The following KIAA1671 variants were observed in gnomAD, a reference collection of about 807,000 sequenced individuals.
The protein encoded by KIAA1671 is uncharacterized protein KIAA1671.
A neutral mutation model predicts 131.2 loss-of-function variants in KIAA1671; 52 were observed. That is an observed-to-expected ratio of 0.40 (90% CI 0.32 to 0.50). KIAA1671 has a LOEUF of 0.50. KIAA1671 is among the 20% of genes least tolerant of loss of function. The pLI is 0.73. For synonymous variants in KIAA1671, 1,003 were observed against 961.6 expected, an observed-to-expected ratio of 1.04 and a Z score of -0.80; for missense variants, 2,360 against 2,364.2, an observed-to-expected ratio of 1.00 and a Z score of 0.04.
intron 5 of KIAA1671, among the ~76,000 whole-genome samples, chr22:25,042,779 C>T (rs1477277702): frequency 6.6e-6 from 1 of 152,016 alleles, no homozygotes; most frequent in South Asian, 2.1e-4. Context: ...GGCCTGTAAG[C>T]ACTTTTTAAG....
At chr22:25,022,150 A>T (rs1925707513) in intron 1 of KIAA1671, among the ~76,000 whole-genome samples, 1 of 152,194 alleles carries the variant, frequency 6.6e-6, no homozygotes, top group Admixed American at 6.5e-5. Flanking sequence ...ATTCCGGAAG[A>T]TGCTGGAAGG....
chr22:25,166,714 T>C (rs911587206), intron 6 of KIAA1671, among the ~76,000 whole-genome samples: 5 of 152,184 alleles, frequency 3.3e-5, no homozygotes, highest in African/African-American at 1.2e-4. Flanking sequence ...TATCTGTTGA[T>C]ACCTCAAAAC....
At chr22:25,138,600 T>C (rs1932758302) in intron 6 of KIAA1671, among the ~76,000 whole-genome samples, 1 of 152,256 alleles carries the variant, frequency 6.6e-6, no homozygotes, top group African/African-American at 2.4e-5. Flanking sequence ...AGTTGAACAT[T>C]CACCTATTCT....
chr22:25,087,210 C>A (rs553562805), intron 6 of KIAA1671, among the ~76,000 whole-genome samples: 1 of 142,372 alleles, frequency 7.0e-6, no homozygotes, highest in East Asian at 2.3e-4. Flanking sequence ...ACATGTCTTG[C>A]TTTTCCAAAC....
At chr22:25,022,564 A>T (rs1925732691) in intron 1 of KIAA1671, 1 of 152,046 alleles carries the variant, frequency 6.6e-6, no homozygotes, top group Admixed American at 6.6e-5. Flanking sequence ...CAGACAAATG[A>T]TTTTTTTTCC....
Position 25,174,437 on chromosome 22 carries a change from C to T in KIAA1671, c.4847C>T (p.Pro1616Leu). The T allele has an allele frequency of 6.5e-7, 1 of 1,547,076 alleles. No homozygotes were observed. Among genetic ancestry groups the T allele is most frequent in the Admixed American group, 2.0e-5 (1 of 50,818 alleles). Residue 1616 changes from proline (P) to leucine (L), a missense_variant, in exon 8 of 13, where the codon CCT becomes CTT. Pro to Leu is a moderately conservative substitution (Grantham distance 98). Around this residue, in one of 3 missense-constraint regions of KIAA1671, gnomAD observed 1,161 missense variants for 1,204.7 expected, o/e 0.96. Transcript: ENST00000358431. ...LESTDGMEGP[P>L]PPDACPEKRV... ...TCCACCGATGGGATGGAGGGGCCGC[C>T]TCCACCGGACGCCTGCCCTGAAAAG...
chr22:25,040,713 A>G lies in KIAA1671; in HGVS notation c.3583A>G (p.Arg1195Gly). ...TFPGKIRDGY[R>G]SSVLDIDALM... ...CCCAGGTAAAATCAGAGATGGCTAC[A>G]GATCCAGCGTTCTTGACATTGACGC... Residue 1195 changes from arginine to glycine, a missense_variant, in exon 5 of 13, where the codon AGA (arginine) becomes GGA (glycine). This residue lies in a region of KIAA1671 where 1,161 missense variants were observed against 1,204.7 expected (regional missense o/e 0.96). Coordinates refer to ENST00000358431, the MANE Select transcript of KIAA1671 (RefSeq NM_001145206.2). 3 of 1,552,122 alleles carry G rather than the reference A, an allele frequency of 1.9e-6. No homozygotes were observed. The highest frequency in any genetic ancestry group is 2.6e-6 in the Non-Finnish European group (3 of 1,147,090).
intron 1 of KIAA1671, among the ~76,000 whole-genome samples, chr22:24,974,785 C>A (rs1017141002): frequency 6.7e-6 from 1 of 149,166 alleles, no homozygotes; most frequent in Non-Finnish European, 1.5e-5. Context: ...CTCAACTTTC[C>A]GGCTTCAAGC....
chr22:25,174,574 G>A (rs1360168769), intron 8 of KIAA1671, 85 bp downstream of exon 8: 1 of 1,426,422 alleles, frequency 7.0e-7, no homozygotes, highest in Non-Finnish European at 9.3e-7. Context: ...TAGGATCTGT[G>A]TGCCAGGGAC....
intron 6 of KIAA1671, chr22:25,063,521 G>A (rs944468833): frequency 6.6e-6 from 1 of 151,978 alleles, no homozygotes; most frequent in African/African-American, 2.4e-5. Context: ...AGCATGAAAA[G>A]GCATAAGAAT....
Position 25,029,439 on chromosome 22 carries a change from G to A in KIAA1671, c.1440G>A (p.Gln480=). Residue 480 remains glutamine (Q), a synonymous_variant, in exon 3 of 13, where the codon CAG becomes CAA. Transcript: ENST00000358431. ...CGGAGAAAGGGGTTGTGAGCGTTCA[G>A]GAACGGATCAGAGGCTGGACTGCCG... is the stretch of plus-strand genomic sequence containing the variant. The part of the protein sequence containing the change: ...PEPEKGVVSV[Q]ERIRGWTAES... The A allele has an allele frequency of 1.3e-6, 2 of 1,551,430 alleles. No individual in the cohort carries two copies. The highest frequency in any genetic ancestry group is 1.4e-5 in the African/African-American group (1 of 73,182).
chr22:25,163,291 T>C (rs1183176243), intron 6 of KIAA1671, among the ~76,000 whole-genome samples: 1 of 143,910 alleles, frequency 6.9e-6, no homozygotes, highest in Admixed American at 7.0e-5. Context: ...ACAGTGTCAC[T>C]GCACTCCAGC....
intron 6 of KIAA1671, among the ~76,000 whole-genome samples, chr22:25,129,562 A>G (rs1178214888): frequency 2.0e-5 from 3 of 149,496 alleles, no homozygotes; most frequent in Non-Finnish European, 4.4e-5. Context: ...TTTGAATCAC[A>G]GCTTTTCCCA....
chr22:24,987,134 T>C (rs939748558), intron 1 of KIAA1671, among the ~76,000 whole-genome samples: 1 of 151,952 alleles, frequency 6.6e-6, no homozygotes, highest in African/African-American at 2.4e-5. Context: ...TACTGTTCTT[T>C]TGATTTTTTT....
rs142164722 is a variant in KIAA1671 at position 25,100,005 on chromosome 22, C to T, written c.4530+50641C>T. Among the ~76,000 whole-genome samples the T allele has an allele frequency of 3.9e-5, 6 of 152,330 alleles. No individual in the cohort carries two copies. In the East Asian group the frequency reaches 1.2e-3, roughly 29 times the overall value. The stretch of plus-strand genomic sequence containing the variant: ...GCAGGAGAAGGTGGTGCAAGGGCCC[C>T]AGGCCATACAGTATTTGTAACTGGG... On this transcript the variant is annotated intron_variant, in intron 6 of 12. Coordinates refer to ENST00000358431, the MANE Select transcript of KIAA1671 (RefSeq NM_001145206.2).
intron 1 of KIAA1671, among the ~76,000 whole-genome samples, chr22:24,983,864 C>T (rs1045716098): frequency 1.9e-4 from 29 of 151,216 alleles, no homozygotes; most frequent in South Asian, 4.2e-4. Flanking sequence ...CCACAACCTC[C>T]GCCTCCTGGA....
intron 1 of KIAA1671, among the ~76,000 whole-genome samples, chr22:24,972,262 G>C (rs1201660266): frequency 6.6e-6 from 1 of 152,146 alleles, no homozygotes; most frequent in African/African-American, 2.4e-5. Flanking sequence ...TGTTTTATAT[G>C]GTTTACCTTA....
intron 6 of KIAA1671, among the ~76,000 whole-genome samples, chr22:25,169,418 CAAAAAAAAAA>C (rs34299474): frequency 8.5e-6 from 1 of 118,102 alleles, no homozygotes; most frequent in Non-Finnish European, 1.7e-5. Flanking sequence ...GACCTTGTCT[CAAAAAAAAAA>C]AAAAAAAAAA....
intron 6 of KIAA1671, among the ~76,000 whole-genome samples, chr22:25,075,070 A>G (rs1929033391): frequency 6.6e-6 from 1 of 152,258 alleles, no homozygotes; most frequent in Non-Finnish European, 1.5e-5. Flanking sequence ...TGGTTCAGTT[A>G]TCAAAAGAAA....
Sources: gnomAD v4.1 joint callset for allele counts (sites outside exome capture counted in the v4.1 genomes callset) on GRCh38, gnomAD v4.1.1 for gene constraint, gnomAD v4.1.1 regional missense constraint, MANE v1.5 for transcripts, NCBI Gene and HGNC (gene_info 2026-07-23, HGNC 2026-07-21) for gene names.